The following MYO5C variants were observed in gnomAD, a reference collection of about 807,000 sequenced individuals.
MYO5C encodes the protein myosin VC.
A neutral mutation model predicts 235.7 loss-of-function variants in MYO5C; 194 were observed. The observed-to-expected ratio is 0.82, with a 90% confidence interval of 0.73 to 0.93. The LOEUF is 0.93. Ranked by LOEUF, MYO5C falls within the 40% of genes least tolerant of loss-of-function variation. The pLI is 0.00. For synonymous variants in MYO5C, 707 were observed against 754.8 expected, an observed-to-expected ratio of 0.94 and a Z score of 1.04; for missense variants, 2,038 against 2,127.2, an observed-to-expected ratio of 0.96 and a Z score of 0.82.
At position 52,279,812 on chromosome 15, in the gene MYO5C, A is replaced by G. The variant is rs1376372759; in HGVS notation, c.139-138T>C. The stretch of plus-strand genomic sequence containing the variant: ...AAAAGCAAATGTACTTATAGCAACA[A>G]GAAAATCTTCACAGCTGACTCCTGG... On this transcript the variant is annotated intron_variant, in intron 2 of 40. Transcript: ENST00000261839. The G allele has an allele frequency of 6.1e-6, 5 of 822,002 alleles. No homozygotes were observed. In the South Asian group the frequency reaches 9.6e-5, roughly 16 times the overall value. 50.9% of individuals were successfully genotyped at this position (822,002 alleles called of 1,614,324 possible). A position where few individuals can be genotyped will look rare whatever the true frequency, so the allele number is the denominator to read the frequency against.
intron 9 of MYO5C, among the ~76,000 whole-genome samples, chr15:52,262,855 C>T (rs1163264236): frequency 6.6e-6 from 1 of 152,140 alleles, no homozygotes; most frequent in Non-Finnish European, 1.5e-5. Context: ...TGTGTCCCTC[C>T]AAAACTCATA....
intron 5 of MYO5C, among the ~76,000 whole-genome samples, chr15:52,274,675 C>CA (rs974688338): frequency 1.3e-5 from 2 of 148,162 alleles, no homozygotes; most frequent in East Asian, 4.8e-4. Flanking sequence ...TTAGTACCCC[C>CA]CCCCCGACAT....
intron 9 of MYO5C, among the ~76,000 whole-genome samples, chr15:52,262,984 G>C (rs1312800904): frequency 6.6e-6 from 1 of 152,134 alleles, no homozygotes; most frequent in Non-Finnish European, 1.5e-5. Context: ...GTTCTCGTAA[G>C]AGGCATCACA....
Position 52,235,696 on chromosome 15 carries a change from A to G in MYO5C, c.2936T>C (p.Leu979Pro). 1 of 1,612,348 alleles carries G rather than the reference A, an allele frequency of 6.2e-7. No homozygotes were observed. Among genetic ancestry groups the G allele is most frequent in the Non-Finnish European group, 8.5e-7 (1 of 1,179,092 alleles). Residue 979 changes from leucine (L) to proline (P), a missense_variant, in exon 23 of 41, where the codon CTT becomes CCT. Transcript: ENST00000261839. ...ETQKEQIQLK[L>P]QEKTEELKEK... ...TTTTAACTCTTCAGTCTTCTCTTGA[A>G]GCTTCAGCTGTATTTGTTCTTTCTG...
chr15:52,265,384 C>CG (rs375735625), intron 8 of MYO5C, among the ~76,000 whole-genome samples: 5 of 152,090 alleles, frequency 3.3e-5, no homozygotes, highest in Non-Finnish European at 7.4e-5. Flanking sequence ...GAGATGCGCT[C>CG]GGGCTGGCAG....
chr15:52,274,567 C>T (rs1001261801), intron 5 of MYO5C, among the ~76,000 whole-genome samples: 3 of 152,128 alleles, frequency 2.0e-5, no homozygotes, highest in Non-Finnish European at 2.9e-5. Context: ...TGTGAGCCAC[C>T]GCACCCAGCC....
chr15:52,251,565 T>C (rs1048281305), intron 12 of MYO5C, 50 bp from the exon 13 acceptor site: 10 of 1,520,312 alleles, frequency 6.6e-6, no homozygotes, highest in East Asian at 2.4e-5. Context: ...CAGAGATTCA[T>C]ACAGGTGAGG....
intron 8 of MYO5C, among the ~76,000 whole-genome samples, chr15:52,269,129 G>T (rs536900457): frequency 6.6e-6 from 1 of 152,214 alleles, no homozygotes; most frequent in Admixed American, 6.5e-5. Flanking sequence ...CTTCTGAACC[G>T]AATTGGACCT....
At chr15:52,263,940 C>T (rs2036747269) in intron 9 of MYO5C, among the ~76,000 whole-genome samples, 1 of 152,160 alleles carries the variant, frequency 6.6e-6, no homozygotes, top group African/African-American at 2.4e-5. Flanking sequence ...TTAGTAGGTG[C>T]TTCATACATA....
chr15:52,283,880 G>A (rs1369202882), intron 1 of MYO5C, among the ~76,000 whole-genome samples: 1 of 152,036 alleles, frequency 6.6e-6, no homozygotes, highest in Non-Finnish European at 1.5e-5. Flanking sequence ...TCACCATGTT[G>A]GTCAGGCTGG....
intron 35 of MYO5C, among the ~76,000 whole-genome samples, chr15:52,209,356 G>A (rs2035392587): frequency 6.6e-6 from 1 of 152,172 alleles, no homozygotes; most frequent in African/African-American, 2.4e-5. Context: ...AGAGTGATGG[G>A]TTAGAAGCCA....
In MYO5C at chr15:52,242,126, C is replaced by G; in HGVS notation, c.2478G>C (p.Leu826=). The G allele has an allele frequency of 1.9e-6, 3 of 1,614,164 alleles. No homozygotes were observed. Among genetic ancestry groups the G allele is most frequent in the Non-Finnish European group, 2.5e-6 (3 of 1,180,002 alleles). ...TGGTGGCCATGCGAATCAACTGATACAGGCTGCGAACAAGATACCCGCGGC... is the reference window on the plus strand; with the variant it reads ...TGGTGGCCATGCGAATCAACTGATAGAGGCTGCGAACAAGATACCCGCGGC... ...KHCRGYLVRS[L]YQLIRMATIT... is the part of the protein sequence containing the mutation. The change falls in exon 20 of 41, where the codon CTG becomes CTC. Residue 826 remains leucine, a synonymous_variant. Coordinates refer to ENST00000261839, the MANE Select transcript of MYO5C (RefSeq NM_018728.4).
chr15:52,233,517 A>G (rs1287339371), intron 23 of MYO5C, among the ~76,000 whole-genome samples: 1 of 152,190 alleles, frequency 6.6e-6, no homozygotes, highest in Non-Finnish European at 1.5e-5. Context: ...GTGACAACCC[A>G]AATTGTTTCC....
At chr15:52,228,649 A>G (rs890642562) in intron 25 of MYO5C, among the ~76,000 whole-genome samples, 1 of 152,244 alleles carries the variant, frequency 6.6e-6, no homozygotes, top group Non-Finnish European at 1.5e-5. Flanking sequence ...TGGTGAGAAC[A>G]TTTAAGATTT....
intron 5 of MYO5C, among the ~76,000 whole-genome samples, 165 bp downstream of exon 5, chr15:52,275,397 C>T (rs1436462258): frequency 1.3e-5 from 2 of 152,158 alleles, no homozygotes; most frequent in Non-Finnish European, 2.9e-5. Flanking sequence ...AATTCTGCCC[C>T]CATCTCCTTC....
At chr15:52,271,351 C>T (rs1421249525) in intron 7 of MYO5C, among the ~76,000 whole-genome samples, 1 of 152,064 alleles carries the variant, frequency 6.6e-6, no homozygotes, top group East Asian at 1.9e-4. Context: ...GCCTCAGCCT[C>T]CCAAGTAGCT....
chr15:52,200,237 C>T (rs1209854023), intron 38 of MYO5C, among the ~76,000 whole-genome samples: 1 of 152,126 alleles, frequency 6.6e-6, no homozygotes, highest in Non-Finnish European at 1.5e-5. Context: ...CATTGTCCGC[C>T]TGATGAAAAT....
In MYO5C at chr15:52,196,361, T is replaced by A; in HGVS notation, c.4943A>T (p.Asp1648Val). The change falls in exon 39 of 41, where the codon GAC becomes GTC. Residue 1648 changes from aspartate (D) to valine (V), a missense_variant. Transcript: ENST00000261839. ...TTCGTAGATCTCCTTGGCATCACTG[T>A]CTGTGGTCTTCTTGACCTGAAGCAA... ...AWLLQVKKTT[D>V]SDAKEIYERC... 1 of 1,614,084 alleles carries A rather than the reference T, an allele frequency of 6.2e-7. No individual in the cohort carries two copies. The highest frequency in any genetic ancestry group is 8.5e-7 in the Non-Finnish European group (1 of 1,180,008).
intron 38 of MYO5C, 145 bp downstream of exon 38, chr15:52,204,720 A>AG: frequency 9.9e-7 from 1 of 1,009,408 alleles, no homozygotes; most frequent in Non-Finnish European, 1.4e-6. Flanking sequence ...CGGGGCTCCT[A>AG]GGGTGACTCG....
Sources: gnomAD v4.1 joint callset for allele counts (sites outside exome capture counted in the v4.1 genomes callset) on GRCh38, gnomAD v4.1.1 for gene constraint, MANE v1.5 for transcripts, NCBI Gene and HGNC (gene_info 2026-07-23, HGNC 2026-07-21) for gene names.